Variants in KCNN2 observed in about 807,000 individuals in gnomAD.
KCNN2 encodes small conductance calcium-activated potassium channel protein 2.
In KCNN2, 24 loss-of-function variants were observed where a neutral mutation model predicts 55.5. The ratio of observed to expected loss-of-function variants is 0.43; its 90% CI spans 0.31 to 0.61. The LOEUF (loss-of-function observed/expected upper bound fraction) is 0.61, where lower values mean the gene tolerates loss of function less well. Among genes scored for constraint, KCNN2 ranks in the 20% least tolerant of loss-of-function variants. KCNN2 has a pLI of 0.08. For synonymous variants in KCNN2, 431 were observed against 336.1 expected (o/e 1.28, Z -3.09); for missense variants, 754 against 853.6 (o/e 0.88, Z 1.45).
At chr5:114,364,710 C>T (rs1286734259) in intron 2 of KCNN2, among the ~76,000 whole-genome samples, 1 of 150,208 alleles carries the variant, frequency 6.7e-6, no homozygotes, top group Admixed American at 6.6e-5. Flanking sequence ...CTCTATAAAA[C>T]TTACGGGTCA....
intron 1 of KCNN2, among the ~76,000 whole-genome samples, chr5:114,136,706 C>T (rs1752181293): frequency 6.6e-6 from 1 of 152,168 alleles, no homozygotes. Flanking sequence ...ATTTCAATCA[C>T]AAGACTGTAG....
At chr5:114,074,944 G>T (rs554015416) in intron 1 of KCNN2, among the ~76,000 whole-genome samples, 1 of 152,288 alleles carries the variant, frequency 6.6e-6, no homozygotes, top group South Asian at 2.1e-4. Context: ...TGCATTTCTT[G>T]TAAAAGTTAT....
At chr5:114,144,580 A>G (rs914501938) in intron 1 of KCNN2, among the ~76,000 whole-genome samples, 5 of 152,124 alleles carry the variant, frequency 3.3e-5, no homozygotes, top group African/African-American at 1.2e-4. Flanking sequence ...CGGGGAGCCA[A>G]ATACCTTCTC....
chr5:114,386,456 CT>C (rs1410672875), intron 2 of KCNN2, among the ~76,000 whole-genome samples: 1 of 152,126 alleles, frequency 6.6e-6, no homozygotes, highest in Non-Finnish European at 1.5e-5. Flanking sequence ...ACCAGTCTTT[CT>C]ATCACTTCCC....
At chr5:114,285,475 G>A (rs1167235502) in intron 2 of KCNN2, among the ~76,000 whole-genome samples, 1 of 151,938 alleles carries the variant, frequency 6.6e-6, no homozygotes, top group Non-Finnish European at 1.5e-5. Flanking sequence ...GGCAGAAATG[G>A]GAAATAAGGA....
intron 2 of KCNN2, among the ~76,000 whole-genome samples, chr5:114,223,588 T>C (rs1194765557): frequency 6.6e-6 from 1 of 152,150 alleles, no homozygotes; most frequent in African/African-American, 2.4e-5. Flanking sequence ...AGTTAGGCGA[T>C]AGAAATCACA....
At chr5:114,207,693 T>C (rs1160907517) in intron 1 of KCNN2, among the ~76,000 whole-genome samples, 1 of 152,220 alleles carries the variant, frequency 6.6e-6, no homozygotes, top group Non-Finnish European at 1.5e-5. Flanking sequence ...CAGAATTACT[T>C]TCAGGAGCAT....
In KCNN2 at chr5:114,485,899, G is replaced by T. The variant is rs75294199; in HGVS notation, c.1891-1151G>T. Among the ~76,000 whole-genome samples, 74 of 152,128 alleles carry T rather than the reference G, an allele frequency of 4.9e-4. 1 individual carries two copies. In the East Asian group the frequency reaches 0.012, roughly 25 times the overall value. ...AGTGAAAAATATAAATACAAACTTG[G>T]GCCCATAGTTTAGTGTAATTCTAAA... On this transcript the variant is annotated intron_variant, in intron 5 of 7. Coordinates refer to ENST00000673685, the MANE Select transcript of KCNN2 (RefSeq NM_021614.4).
intron 1 of KCNN2, among the ~76,000 whole-genome samples, chr5:114,199,289 T>C (rs1434134159): frequency 1.3e-5 from 2 of 152,142 alleles, no homozygotes; most frequent in African/African-American, 4.8e-5. Context: ...TTTCTATCCA[T>C]GTACTTTCCA....
At chr5:114,487,215 C>T (rs1046830915) in intron 6 of KCNN2, 38 bp downstream of exon 6, 2 of 1,585,186 alleles carry the variant, frequency 1.3e-6, no homozygotes, top group Admixed American at 3.6e-5. Context: ...GTTGTTGTGT[C>T]CTTGGCTTTC....
chr5:114,154,008 G>A (rs972605591), intron 1 of KCNN2, among the ~76,000 whole-genome samples: 2 of 152,188 alleles, frequency 1.3e-5, no homozygotes, highest in Non-Finnish European at 2.9e-5. Context: ...GATGGTGACA[G>A]CTCCTCCTGT....
intron 2 of KCNN2, among the ~76,000 whole-genome samples, chr5:114,370,711 G>GCATACC (rs929325786): frequency 3.3e-5 from 5 of 152,048 alleles, no homozygotes; most frequent in Admixed American, 3.3e-4. Context: ...AACCAGCATA[G>GCATACC]CATAGCATAG....
At chr5:114,095,007 T>G (rs1176049694) in intron 1 of KCNN2, among the ~76,000 whole-genome samples, 1 of 152,184 alleles carries the variant, frequency 6.6e-6, no homozygotes, top group African/African-American at 2.4e-5. Flanking sequence ...TTAAATATTG[T>G]CTTATTTTAT....
chr5:114,353,506 TG>T (rs1358375715), intron 2 of KCNN2, among the ~76,000 whole-genome samples: 1 of 151,928 alleles, frequency 6.6e-6, no homozygotes, highest in Non-Finnish European at 1.5e-5. Flanking sequence ...GAAATTATAT[TG>T]TTTTTTATAG....
At chr5:114,185,415 A>G (rs532943413) in intron 1 of KCNN2, among the ~76,000 whole-genome samples, 81 of 152,368 alleles carry the variant, frequency 5.3e-4, no homozygotes, top group African/African-American at 1.9e-3. Flanking sequence ...AGAAACTCCA[A>G]CCAGCCTGCC....
chr5:114,416,412 C>T (rs1759306014), intron 3 of KCNN2, among the ~76,000 whole-genome samples: 1 of 152,054 alleles, frequency 6.6e-6, no homozygotes, highest in East Asian at 1.9e-4. Flanking sequence ...TTTAGGTGAC[C>T]TTGCTGGTTT....
intron 4 of KCNN2, among the ~76,000 whole-genome samples, chr5:114,470,030 G>T (rs760426803): frequency 1.8e-4 from 28 of 152,168 alleles, no homozygotes; most frequent in Non-Finnish European, 3.5e-4. Flanking sequence ...ATTACTAAAT[G>T]ATTGGATTAA....
intron 2 of KCNN2, among the ~76,000 whole-genome samples, chr5:114,288,674 G>A (rs1580696612): frequency 6.6e-6 from 1 of 152,064 alleles, no homozygotes; most frequent in Non-Finnish European, 1.5e-5. Context: ...TTTCTTTGGA[G>A]AAATGTCTAC....
chr5:114,326,742 A>G (rs116544878), intron 2 of KCNN2, among the ~76,000 whole-genome samples: 3,102 of 152,292 alleles, frequency 0.02, 57 homozygotes, highest in Non-Finnish European at 0.031. Flanking sequence ...ATTTTAAAAG[A>G]AATTTTAGAT....
Sources: gnomAD v4.1 joint callset for allele counts (sites outside exome capture counted in the v4.1 genomes callset) on GRCh38, gnomAD v4.1.1 for gene constraint, MANE v1.5 for transcripts, NCBI Gene and HGNC (gene_info 2026-07-23, HGNC 2026-07-21) for gene names.